CDAN1: variants seen among roughly 807,000 people sequenced by gnomAD.
CDAN1 encodes the protein codanin-1.
Under a neutral mutation model 139.8 loss-of-function variants are expected in CDAN1, and 107 were observed. The ratio of observed to expected loss-of-function variants is 0.77; its 90% CI spans 0.65 to 0.90. CDAN1 has a LOEUF of 0.90. CDAN1 is among the 40% of genes least tolerant of loss of function. The probability of loss-of-function intolerance (pLI) is 0.00; values close to 1 mark genes in which losing one functional copy is unlikely to be tolerated. For missense variants in CDAN1, 1,667 were observed against 1,575.7 expected, an observed-to-expected ratio of 1.06 and a Z score of -0.98; for synonymous variants, 776 against 660.6, an observed-to-expected ratio of 1.17 and a Z score of -2.68.
At chr15:42,726,588 CA>C (rs1409535484) in intron 23 of CDAN1, 171 bp from the exon 24 acceptor site, 1 of 610,800 alleles carries the variant, frequency 1.6e-6, no homozygotes, top group Non-Finnish European at 2.9e-6. Flanking sequence ...ATAATACAGC[CA>C]GGGGAAGCAA....
Position 42,735,101 on chromosome 15 carries a change from G to T in CDAN1, c.1135C>A (p.Gln379Lys). The change falls in exon 6 of 28, where the codon CAG becomes AAG. Residue 379 changes from glutamine (Q) to lysine (K), a missense_variant and splice_region_variant. By Grantham distance (53) the Gln-to-Lys change is moderately conservative. Around this residue, in one of 3 missense-constraint regions of CDAN1, gnomAD observed 244 missense variants for 309.4 expected, o/e 0.79. Coordinates refer to ENST00000356231, the MANE Select transcript of CDAN1 (RefSeq NM_138477.4). ...FAVQVLECHF[Q>K]VLSNLDKGTL... Reference sequence around the variant, plus strand: ...AATGCCTCAGCCAGGGAAACTCACTGAAAGTGACACTCCAAAACCTGCACT... The same window carrying T: ...AATGCCTCAGCCAGGGAAACTCACTTAAAGTGACACTCCAAAACCTGCACT... 2.5e-6 allele frequency: 4 copies of T among 1,611,144 alleles called. No individual in the cohort carries two copies. The highest frequency in any genetic ancestry group is 2.2e-5 in the East Asian group (1 of 44,862).
intron 20 of CDAN1, 142 bp downstream of exon 20, chr15:42,728,510 A>C: frequency 1.6e-6 from 2 of 1,257,232 alleles, no homozygotes; most frequent in Non-Finnish European, 2.3e-6. Flanking sequence ...CAGCCAGTGC[A>C]GGGCTTATAG....
At chr15:42,725,810 C>G (rs1451874969) in intron 25 of CDAN1, 140 bp from the exon 26 acceptor site, 1 of 878,838 alleles carries the variant, frequency 1.1e-6, no homozygotes, top group Non-Finnish European at 1.7e-6. Context: ...TAGTGAAACC[C>G]CATCTCTATT....
chr15:42,729,569 G>C lies in CDAN1; in HGVS notation c.2406C>G (p.Ile802Met). 6.2e-7 allele frequency: 1 copy of C among 1,614,168 alleles called. No homozygotes were observed. Among genetic ancestry groups the C allele is most frequent in the South Asian group, 1.1e-5 (1 of 91,072 alleles). ...CGTCCAGGGAAGACCGGTGCTCACC[G>C]ATGTAGGGGCAGCAGGTGTAGAGCA... ...QQLLYTCCPY[I>M]GELRKLLASW... The change falls in exon 17 of 28, where the codon ATC becomes ATG. Residue 802 changes from isoleucine to methionine, a missense_variant and splice_region_variant. Transcript: ENST00000356231.
chr15:42,729,716 C>T (rs2061583413), intron 16 of CDAN1, 80 bp downstream of exon 16: 6 of 1,591,054 alleles, frequency 3.8e-6, no homozygotes, highest in African/African-American at 2.7e-5. Flanking sequence ...GTTACATCTG[C>T]CCCTGGCTGG....
chr15:42,725,265 C>A lies in CDAN1; in HGVS notation c.3451-14G>T. 1.2e-6 allele frequency: 2 copies of A among 1,612,062 alleles called. No individual in the cohort carries two copies. Among genetic ancestry groups the A allele is most frequent in the Non-Finnish European group, 1.7e-6 (2 of 1,178,168 alleles). On this transcript the variant is annotated splice_polypyrimidine_tract_variant and intron_variant, in intron 26 of 27. Transcript: ENST00000356231. ...CAGCAAGTCCCACTGCAAAACACACCGAGGTCAGGGTTGCTAGGAGGACGA... is the reference window on the plus strand; with the variant it reads ...CAGCAAGTCCCACTGCAAAACACACAGAGGTCAGGGTTGCTAGGAGGACGA...
Position 42,730,915 on chromosome 15 carries a change from G to A in CDAN1, c.2007+10C>T, listed in dbSNP as rs372645598. On this transcript the variant is annotated intron_variant, in intron 13 of 27. Coordinates refer to ENST00000356231, the MANE Select transcript of CDAN1 (RefSeq NM_138477.4). ...TGCTCCCTCCTCACCAGAATCCCCC[G>A]CCCATTCACCTGGCTCCTGAGGGCC... 1.1e-4 allele frequency: 185 copies of A among 1,614,096 alleles called. No homozygotes were observed. The highest frequency in any genetic ancestry group is 3.3e-4 in the South Asian group (30 of 91,070).
intron 26 of CDAN1, 54 bp downstream of exon 26, chr15:42,725,435 G>T: frequency 6.2e-7 from 1 of 1,603,222 alleles, no homozygotes; most frequent in Non-Finnish European, 8.5e-7. Context: ...TGGGGCAAGG[G>T]TGGTGGATGT....
Position 42,729,818 on chromosome 15 carries a change from G to A in CDAN1, c.2330C>T (p.Thr777Ile), listed in dbSNP as rs778082565. The change falls in exon 16 of 28, where the codon ACA becomes ATA. Residue 777 changes from threonine (T) to isoleucine (I), a missense_variant. Thr to Ile is a moderately conservative substitution (Grantham distance 89). Transcript: ENST00000356231. ...CACCAAGCCATGCTCTGGGGCTACT[G>A]TGTCCACCTCAAAGGCATATGAGGG... ...EGPSYAFEVD[T>I]VAPEHGLDNA... The A allele has an allele frequency of 1.2e-6, 2 of 1,613,634 alleles. No homozygotes were observed. The highest frequency in any genetic ancestry group is 2.7e-5 in the African/African-American group (2 of 74,876).
rs761859942 is a variant in CDAN1, at chr15:42,729,145, G to A, written c.2542-19C>T. ...GCTGTGCCTGGGGGGAGGAGGGAGA[G>A]GCAGCAAGGCTTCCTCCAGCCTCCC... On this transcript the variant is annotated intron_variant, in intron 18 of 27. Coordinates refer to ENST00000356231, the MANE Select transcript of CDAN1 (RefSeq NM_138477.4). The A allele has an allele frequency of 2.0e-5, 33 of 1,613,708 alleles. No individual in the cohort carries two copies. The highest frequency in any genetic ancestry group is 2.8e-5 in the Non-Finnish European group (33 of 1,179,748).
At chr15:42,726,777 T>G in intron 23 of CDAN1, 1 of 296,898 alleles carries the variant, frequency 3.4e-6, no homozygotes, top group Non-Finnish European at 6.4e-6. Flanking sequence ...TAGTATCGTC[T>G]GTCTCTCAAG....
chr15:42,731,717 G>T lies in CDAN1; in HGVS notation c.1642C>A (p.Arg548=). The part of the protein sequence containing the change: ...KLGRLWRLQE[R]LMAPQSSGGP... ...CCACTGCTCTGAGGAGCCATAAGCC[G>T]TTCCTGTAGGCGCCACAACCGCCCC... is the stretch of plus-strand genomic sequence containing the variant. Residue 548 remains arginine (R), a synonymous_variant, in exon 11 of 28, where the codon CGG becomes AGG. Transcript: ENST00000356231. The T allele has an allele frequency of 6.2e-7, 1 of 1,614,116 alleles. No individual in the cohort carries two copies. Among genetic ancestry groups the T allele is most frequent in the South Asian group, 1.1e-5 (1 of 91,088 alleles).
intron 23 of CDAN1, 94 bp downstream of exon 23, chr15:42,727,527 T>TA (rs2061545245): frequency 8.1e-7 from 1 of 1,227,940 alleles, no homozygotes; most frequent in Non-Finnish European, 1.1e-6. Context: ...AGCTTCTACA[T>TA]AAAAATCCTG....
intron 14 of CDAN1, 49 bp downstream of exon 14, chr15:42,730,549 G>A (rs2061596388): frequency 1.2e-6 from 2 of 1,603,234 alleles, no homozygotes. Context: ...CTTGACCAAT[G>A]TCCCGAGTCC....
intron 9 of CDAN1, among the ~76,000 whole-genome samples, chr15:42,732,646 G>A (rs961104147): frequency 6.6e-6 from 1 of 152,168 alleles, no homozygotes; most frequent in South Asian, 2.1e-4. Context: ...CCCCCCGACC[G>A]TCTTCAGCCA....
rs745472517 is a variant in CDAN1, at chr15:42,730,788, G to A, written c.2008-24C>T. 3.1e-6 allele frequency: 5 copies of A among 1,612,408 alleles called. No homozygotes were observed. The Admixed American group carries it at 8.4e-5, about 27-fold the overall frequency. ...ACCTGGGAGGGCCAGAGCTCAGTCA[G>A]GGGGCAGGTCCCTAGGAAGGGCTGG... On this transcript the variant is annotated intron_variant, in intron 13 of 27. Coordinates refer to ENST00000356231, the MANE Select transcript of CDAN1 (RefSeq NM_138477.4).
rs2305084 is a variant in CDAN1, at chr15:42,726,493, T to G, written c.3097-76A>C. 275,176 of 1,182,730 alleles carry G rather than the reference T, an allele frequency of 0.23. 35,825 individuals are homozygous for G. The highest frequency in any genetic ancestry group is 0.45 in the African/African-American group (29,355 of 65,804). The allele number at this position is 1,182,730 out of a possible 1,614,324, so 73.3% of individuals were successfully genotyped here. On this transcript the variant is annotated intron_variant, in intron 23 of 27. Coordinates refer to ENST00000356231, the MANE Select transcript of CDAN1 (RefSeq NM_138477.4). ...CAGAGAATTTGGCTTGGGACAGGGA[T>G]CAGCCAGTGGAGAGAGGCAGAAGAA...
chr15:42,728,284 G>A lies in CDAN1; in HGVS notation c.2805-17C>T, dbSNP rs769503711. On this transcript the variant is annotated splice_polypyrimidine_tract_variant and intron_variant, in intron 20 of 27. Transcript: ENST00000356231. Reference sequence around the variant, plus strand: ...TGACAGAACCTAAAAGGGGACAGATGGGGTCAGTGATCTCTGGGTATTTCA... The same window carrying A: ...TGACAGAACCTAAAAGGGGACAGATAGGGTCAGTGATCTCTGGGTATTTCA... 2.5e-6 allele frequency: 4 copies of A among 1,613,420 alleles called. No homozygotes were observed. Among genetic ancestry groups the A allele is most frequent in the East Asian group, 2.2e-5 (1 of 44,856 alleles).
chr15:42,728,960 A>G, intron 19 of CDAN1, 63 bp downstream of exon 19: 1 of 1,589,272 alleles, frequency 6.3e-7, no homozygotes, highest in South Asian at 1.1e-5. Flanking sequence ...TCAGTTTAGC[A>G]ACTGAGGAAA....
Sources: gnomAD v4.1 joint callset for allele counts (sites outside exome capture counted in the v4.1 genomes callset) on GRCh38, gnomAD v4.1.1 for gene constraint, gnomAD v4.1.1 regional missense constraint, MANE v1.5 for transcripts, NCBI Gene and HGNC (gene_info 2026-07-23, HGNC 2026-07-21) for gene names.